The following SGCZ variants were observed in gnomAD, a reference collection of about 807,000 sequenced individuals.
SGCZ encodes sarcoglycan zeta.
SGCZ carries 40 observed loss-of-function variants against 41.3 expected under a neutral mutation model. That is an observed-to-expected ratio of 0.97 (90% CI 0.75 to 1.26). The LOEUF is 1.26. Among genes scored for constraint, SGCZ ranks in the 50% most tolerant of loss-of-function variants. SGCZ has a pLI of 0.00. For missense variants in SGCZ, 552 were observed against 369.8 expected (o/e 1.49, Z -4.04); for synonymous variants, 206 against 137.5 (o/e 1.50, Z -3.49).
At chr8:14,645,478 T>TTTTATATATATATATA (rs1554472104) in intron 1 of SGCZ, among the ~76,000 whole-genome samples, 1 of 106,618 alleles carries the variant, frequency 9.4e-6, no homozygotes, top group South Asian at 3.0e-4. Flanking sequence ...ATATATATAT[T>TTTTATATATATATATA]TATATGTATA....
chr8:14,591,055 C>G (rs996079512), intron 1 of SGCZ, among the ~76,000 whole-genome samples: 1 of 150,572 alleles, frequency 6.6e-6, no homozygotes. Flanking sequence ...GAGACTTGCT[C>G]AATGTTGTGA....
At chr8:15,151,322 T>A (rs993823003) in intron 1 of SGCZ, among the ~76,000 whole-genome samples, 4 of 152,202 alleles carry the variant, frequency 2.6e-5, no homozygotes, top group Non-Finnish European at 4.4e-5. Context: ...TCACCCAACA[T>A]AAACTGAAAA....
chr8:14,398,685 T>A (rs1228169217), intron 2 of SGCZ, among the ~76,000 whole-genome samples: 1 of 152,124 alleles, frequency 6.6e-6, no homozygotes, highest in East Asian at 1.9e-4. Context: ...AAAGGGTGCT[T>A]GTCAGAAATT....
intron 3 of SGCZ, among the ~76,000 whole-genome samples, chr8:14,289,328 T>G (rs1800759923): frequency 6.6e-6 from 1 of 152,104 alleles, no homozygotes; most frequent in Non-Finnish European, 1.5e-5. Context: ...TGATATTGTA[T>G]CTAAGAAACC....
intron 2 of SGCZ, among the ~76,000 whole-genome samples, chr8:14,444,583 A>G (rs982124309): frequency 4.0e-5 from 6 of 148,498 alleles, no homozygotes; most frequent in Admixed American, 6.9e-5. Flanking sequence ...AACACCACAT[A>G]TTCTCACTCA....
intron 1 of SGCZ, among the ~76,000 whole-genome samples, chr8:14,716,352 G>A (rs1400581978): frequency 6.6e-6 from 1 of 151,862 alleles, no homozygotes; most frequent in East Asian, 1.9e-4. Flanking sequence ...TTTTCCATGC[G>A]CACACACACA....
chr8:14,573,357 C>A (rs931957486), intron 1 of SGCZ, among the ~76,000 whole-genome samples: 1 of 141,040 alleles, frequency 7.1e-6, no homozygotes, highest in Non-Finnish European at 1.6e-5. Flanking sequence ...TCCATCGCGC[C>A]CGGCTAAATT....
At chr8:15,085,156 A>G (rs58459006) in intron 1 of SGCZ, among the ~76,000 whole-genome samples, 1 of 152,316 alleles carries the variant, frequency 6.6e-6, no homozygotes, top group African/African-American at 2.4e-5. Flanking sequence ...TAGACAGCCA[A>G]TAGGAGGTGC....
At chr8:14,616,716 A>C (rs1022227202) in intron 1 of SGCZ, among the ~76,000 whole-genome samples, 2 of 152,134 alleles carry the variant, frequency 1.3e-5, no homozygotes, top group Non-Finnish European at 2.9e-5. Context: ...TTTAATTTAG[A>C]CTAGATATAA....
At chr8:14,500,739 G>A (rs1019763311) in intron 2 of SGCZ, among the ~76,000 whole-genome samples, 3 of 151,986 alleles carry the variant, frequency 2.0e-5, no homozygotes, top group Non-Finnish European at 4.4e-5. Context: ...ACTAAGACAA[G>A]TAAATTTTAG....
intron 1 of SGCZ, among the ~76,000 whole-genome samples, chr8:14,715,413 T>G (rs1223513764): frequency 2.0e-5 from 3 of 152,086 alleles, no homozygotes; most frequent in Non-Finnish European, 2.9e-5. Context: ...GACTGTGGTA[T>G]GTAAATTCAC....
intron 2 of SGCZ, among the ~76,000 whole-genome samples, chr8:14,345,162 G>A (rs568050547): frequency 5.1e-4 from 77 of 152,072 alleles, no homozygotes; most frequent in African/African-American, 1.8e-3. Context: ...TAAAATACCC[G>A]TAAACTTATG....
intron 4 of SGCZ, among the ~76,000 whole-genome samples, chr8:14,233,595 TAG>T (rs1173775569): frequency 2.0e-4 from 20 of 99,078 alleles, no homozygotes; most frequent in Non-Finnish European, 4.1e-4. Flanking sequence ...ATATAAAATA[TAG>T]ATATATATAT....
intron 2 of SGCZ, among the ~76,000 whole-genome samples, chr8:14,340,250 A>T (rs144878228): frequency 1.3e-5 from 2 of 152,072 alleles, no homozygotes; most frequent in African/African-American, 4.8e-5. Context: ...ACACTCTTAT[A>T]CTTTCAAAAA....
chr8:14,527,855 G>C (rs539907876), intron 2 of SGCZ, among the ~76,000 whole-genome samples: 1 of 152,124 alleles, frequency 6.6e-6, no homozygotes, highest in South Asian at 2.1e-4. Context: ...GGTGATCATT[G>C]TTGAGTTTCT....
At chr8:14,967,985 A>G (rs1408367570) in intron 1 of SGCZ, among the ~76,000 whole-genome samples, 2 of 152,170 alleles carry the variant, frequency 1.3e-5, no homozygotes, top group Non-Finnish European at 2.9e-5. Flanking sequence ...TTTTAAGTAA[A>G]TGAATGGGCA....
At chr8:14,221,163 T>G (rs1331990461) in intron 4 of SGCZ, among the ~76,000 whole-genome samples, 2 of 152,192 alleles carry the variant, frequency 1.3e-5, no homozygotes, top group African/African-American at 2.4e-5. Context: ...AAGCAATGTC[T>G]TATGTGTGTA....
intron 2 of SGCZ, among the ~76,000 whole-genome samples, chr8:14,532,236 C>T (rs1803154661): frequency 7.3e-6 from 1 of 136,844 alleles, no homozygotes; most frequent in Admixed American, 7.6e-5. Flanking sequence ...AATTTGAGCC[C>T]CAGAATCTGA....
chr8:14,605,601 C>T lies in SGCZ; in HGVS notation c.40-50675G>A, dbSNP rs972004424. Among the ~76,000 whole-genome samples, 4 of 152,142 alleles carry T rather than the reference C, an allele frequency of 2.6e-5. No homozygotes were observed. In the South Asian group the frequency reaches 8.3e-4, roughly 32 times the overall value. On this transcript the variant is annotated intron_variant, in intron 1 of 7. Transcript: ENST00000382080. ...CGTCTAGCAACCAACATTCTAGTCT[C>T]TATCTCCCTAAGTTCAATTAATTTT...
Sources: allele counts gnomAD v4.1 joint callset (sites outside exome capture counted in the v4.1 genomes callset), GRCh38; gene constraint gnomAD v4.1.1; transcripts MANE v1.5; gene names NCBI Gene and HGNC (gene_info 2026-07-23, HGNC 2026-07-21).